The following EXD3 variants were observed in gnomAD, a reference collection of about 807,000 sequenced individuals.
EXD3 encodes exonuclease mut-7 homolog.
EXD3 carries 92 observed loss-of-function variants against 98.0 expected under a neutral mutation model. The ratio of observed to expected loss-of-function variants is 0.94; its 90% CI spans 0.79 to 1.12. The LOEUF (loss-of-function observed/expected upper bound fraction) is 1.12. Among genes scored for constraint, EXD3 ranks in the 50% most tolerant of loss-of-function variants. The pLI, the probability that EXD3 is intolerant of heterozygous loss-of-function variation, is 0.00. For missense variants in EXD3, 1,222 were observed against 1,191.6 expected (o/e 1.03, Z -0.38); for synonymous variants, 569 against 526.0 (o/e 1.08, Z -1.12).
intron 1 of EXD3, among the ~76,000 whole-genome samples, chr9:137,412,749 G>A (rs1478567707): frequency 1.3e-5 from 2 of 152,188 alleles, no homozygotes; most frequent in Non-Finnish European, 2.9e-5. Flanking sequence ...GCTTCAAAGG[G>A]AATTCCATGT....
At position 137,353,700 on chromosome 9, in the gene EXD3, G is replaced by T. The variant is rs528410572; in HGVS notation, c.870+639C>A. On this transcript the variant is annotated intron_variant, in intron 10 of 21. Transcript: ENST00000340951. ...AATGCAGGGCCCAGCACAAGCGAGG[G>T]TCTCCCTCCCCGCAAGGTCCTGGAG... The T allele has an allele frequency of 5.1e-6, 5 of 985,506 alleles. No individual in the cohort carries two copies. The South Asian group carries it at 1.9e-4, about 37-fold the overall frequency. 61.0% of individuals were successfully genotyped at this position (985,506 alleles called of 1,614,324 possible).
intron 1 of EXD3, among the ~76,000 whole-genome samples, chr9:137,411,344 C>A (rs1187233613): frequency 1.3e-5 from 2 of 152,110 alleles, no homozygotes; most frequent in African/African-American, 4.8e-5. Context: ...GGGCTTGCTC[C>A]GGAGATGGGC....
At chr9:137,374,099 C>T (rs141798528) in intron 3 of EXD3, among the ~76,000 whole-genome samples, 2 of 152,380 alleles carry the variant, frequency 1.3e-5, no homozygotes, top group Admixed American at 6.5e-5. Flanking sequence ...GCTCTGGCTT[C>T]CGGAAGATTC....
intron 5 of EXD3, among the ~76,000 whole-genome samples, chr9:137,368,522 C>T (rs1253594248): frequency 3.3e-5 from 5 of 152,182 alleles, no homozygotes; most frequent in East Asian, 1.9e-4. Context: ...ACACTGGCTG[C>T]GATCGGGGCA....
rs780140324 is a variant in EXD3 at position 137,348,118 on chromosome 9, C to A, written c.1951G>T (p.Asp651Tyr). 6.2e-7 allele frequency: 1 copy of A among 1,612,226 alleles called. No individual in the cohort carries two copies. Among genetic ancestry groups the A allele is most frequent in the Admixed American group, 1.7e-5 (1 of 59,968 alleles). Reference sequence around the variant, plus strand: ...TCACCATTGCCCAGCATGCGTGCATCCACACCGAGACAGCGGAGGCTCCGT... The same window carrying A: ...TCACCATTGCCCAGCATGCGTGCATACACACCGAGACAGCGGAGGCTCCGT... ...LARSLRCLGV[D>Y]ARMLGNGEDH... Residue 651 changes from aspartate to tyrosine, a missense_variant, in exon 17 of 22, where the codon GAT becomes TAT. Asp to Tyr is a radical substitution (Grantham distance 160). Coordinates refer to ENST00000340951, the MANE Select transcript of EXD3 (RefSeq NM_017820.5).
chr9:137,355,295 G>A lies in EXD3; in HGVS notation c.758-522C>T, dbSNP rs903203312. 1.2e-4 allele frequency among the ~76,000 whole-genome samples: 18 copies of A among 152,226 alleles called. No homozygotes were observed. In the East Asian group the frequency reaches 1.4e-3, roughly 11 times the overall value. Reference sequence around the variant, plus strand: ...GCTGAGCCCTTTTCCCCCAGGGTGCGGCAGCCAGTGGTGCTAACGGGCTGG... The same window carrying A: ...GCTGAGCCCTTTTCCCCCAGGGTGCAGCAGCCAGTGGTGCTAACGGGCTGG... On this transcript the variant is annotated intron_variant, in intron 8 of 21. Coordinates refer to ENST00000340951, the MANE Select transcript of EXD3 (RefSeq NM_017820.5).
Position 137,392,928 on chromosome 9 carries a change from C to G in EXD3, c.55+2375G>C, listed in dbSNP as rs556627040. 848 of 525,710 alleles carry G rather than the reference C, an allele frequency of 1.6e-3. 5 individuals carry two copies. Among genetic ancestry groups the G allele is most frequent in the Admixed American group, 0.015 (488 of 33,466 alleles). 32.6% of individuals were successfully genotyped at this position (525,710 alleles called of 1,614,324 possible). A position where few individuals can be genotyped will look rare whatever the true frequency, so the allele number is the denominator to read the frequency against. On this transcript the variant is annotated intron_variant, in intron 2 of 21. Transcript: ENST00000340951. ...TGTCTGTTCTGGCGGGGGGCCGTAT[C>G]TGTTCCAGGGAGGGCCATTAGTGTT...
Position 137,366,526 on chromosome 9 carries a change from C to T in EXD3, c.623G>A (p.Cys208Tyr), listed in dbSNP as rs1373391245. The change falls in exon 7 of 22, where the codon TGC becomes TAC. Residue 208 changes from cysteine to tyrosine, a missense_variant. Coordinates refer to ENST00000340951, the MANE Select transcript of EXD3 (RefSeq NM_017820.5). The part of the protein sequence containing the change: ...RRLLVLMDSW[C>Y]QPGFDIKDVA... ...GTCCTTGATGTCAAAGCCGGGCTGG[C>T]ACCAGGAATCCATGAGGACCAGCAG... The T allele has an allele frequency of 1.3e-6, 2 of 1,551,186 alleles. No individual in the cohort carries two copies. Among genetic ancestry groups the T allele is most frequent in the East Asian group, 2.4e-5 (1 of 40,966 alleles).
chr9:137,366,227 G>C (rs1365907083), intron 7 of EXD3: 1 of 703,106 alleles, frequency 1.4e-6, no homozygotes, highest in African/African-American at 1.7e-5. Flanking sequence ...TGCATGAGAA[G>C]AGCCACCACG....
At chr9:137,351,994 C>CT in intron 12 of EXD3, 72 bp downstream of exon 12, 1 of 1,522,968 alleles carries the variant, frequency 6.6e-7, no homozygotes, top group South Asian at 1.2e-5. Flanking sequence ...AATGCCATGC[C>CT]CCTGATGCTC....
chr9:137,384,784 T>C (rs1171836156), intron 2 of EXD3, among the ~76,000 whole-genome samples: 2 of 152,194 alleles, frequency 1.3e-5, no homozygotes, highest in African/African-American at 2.4e-5. Flanking sequence ...TCAGATTCCC[T>C]GGGAGAAATG....
In EXD3 at chr9:137,407,909, C is replaced by T. The variant is rs1837807484; in HGVS notation, c.-47-12505G>A. Among the ~76,000 whole-genome samples the T allele has an allele frequency of 6.6e-6, 1 of 152,082 alleles. No individual in the cohort carries two copies. Among genetic ancestry groups the T allele is most frequent in the African/African-American group, 2.4e-5 (1 of 41,420 alleles). ...CTTTCCCCTTGGGCACCATGGACAC[C>T]CCAGGCCCCGCAGCACACAAATGCG... On this transcript the variant is annotated intron_variant, in intron 1 of 21. Transcript: ENST00000340951. The surrounding 1 kb of genome is among the most constrained non-coding windows in gnomAD (Gnocchi z 4.4).
At chr9:137,354,662 C>T (rs140079756) in intron 9 of EXD3, 38 bp downstream of exon 9, 16,710 of 1,607,476 alleles carry the variant, frequency 0.01, 203 homozygotes, top group South Asian at 0.04. Flanking sequence ...GCTCAGGCCG[C>T]GGCTGGCTGC....
At chr9:137,366,805 C>T (rs893531383) in intron 6 of EXD3, among the ~76,000 whole-genome samples, 173 bp from the exon 7 acceptor site, 6 of 152,254 alleles carry the variant, frequency 3.9e-5, no homozygotes, top group East Asian at 1.9e-4. Context: ...TCGCCCAAGG[C>T]TCCTGCTGGG....
At chr9:137,366,083 T>A in intron 7 of EXD3, 2 of 686,820 alleles carry the variant, frequency 2.9e-6, no homozygotes, top group South Asian at 3.0e-5. Context: ...ACAGGCACCA[T>A]ATGGGCTCCT....
At chr9:137,339,237 A>G (rs767364928) in intron 17 of EXD3, among the ~76,000 whole-genome samples, 1 of 152,168 alleles carries the variant, frequency 6.6e-6, no homozygotes, top group African/African-American at 2.4e-5. Context: ...TCAGGAGCAG[A>G]TAATTTAAAC....
chr9:137,307,708 G>C, intron 20 of EXD3, 62 bp from the exon 21 acceptor site: 4 of 1,584,534 alleles, frequency 2.5e-6, no homozygotes, highest in Non-Finnish European at 3.4e-6. Flanking sequence ...GGCAGCCAGC[G>C]GGGTCCATGA....
Position 137,398,588 on chromosome 9 carries a change from A to G in EXD3, c.-47-3184T>C, listed in dbSNP as rs968900029. ...AACCGCGTCCCCAAGACACACAGGCAACCGCGTCCCCAAGACACACTGGCA... is the reference window on the plus strand; with the variant it reads ...AACCGCGTCCCCAAGACACACAGGCGACCGCGTCCCCAAGACACACTGGCA... On this transcript the variant is annotated intron_variant, in intron 1 of 21. Transcript: ENST00000340951. 6.7e-5 allele frequency among the ~76,000 whole-genome samples: 10 copies of G among 149,760 alleles called. 1 individual carries two copies. The South Asian group carries it at 1.5e-3, about 22-fold the overall frequency.
chr9:137,374,030 G>A (rs575811609), intron 3 of EXD3, among the ~76,000 whole-genome samples: 1 of 152,248 alleles, frequency 6.6e-6, no homozygotes, highest in Admixed American at 6.5e-5. Flanking sequence ...TCCCTGACCC[G>A]CAGGAGATTT....
Sources: allele counts gnomAD v4.1 joint callset (sites outside exome capture counted in the v4.1 genomes callset), GRCh38; gene constraint gnomAD v4.1.1; non-coding constraint Gnocchi (gnomAD v3.1); transcripts MANE v1.5; gene names NCBI Gene and HGNC (gene_info 2026-07-23, HGNC 2026-07-21).